Variants in ZDHHC14 observed in about 807,000 individuals in gnomAD.
ZDHHC14 encodes the protein palmitoyltransferase ZDHHC14.
Under a neutral mutation model 47.7 loss-of-function variants are expected in ZDHHC14, and 16 were observed. The ratio of observed to expected loss-of-function variants is 0.34; its 90% CI spans 0.23 to 0.51. The LOEUF (loss-of-function observed/expected upper bound fraction) is 0.51. ZDHHC14 is among the 20% of genes least tolerant of loss of function. The pLI, the probability that ZDHHC14 is intolerant of heterozygous loss-of-function variation, is 0.97. For missense variants in ZDHHC14, 515 were observed against 662.5 expected, an observed-to-expected ratio of 0.78 and a Z score of 2.44; for synonymous variants, 293 against 278.9, an observed-to-expected ratio of 1.05 and a Z score of -0.50.
intron 2 of ZDHHC14, among the ~76,000 whole-genome samples, chr6:157,589,053 T>C (rs376797699): frequency 2.6e-5 from 4 of 152,234 alleles, no homozygotes. Flanking sequence ...AGAGGTTTTA[T>C]TGGCTCATGG....
intron 1 of ZDHHC14, among the ~76,000 whole-genome samples, chr6:157,395,786 C>A (rs540132194): frequency 6.1e-4 from 91 of 148,524 alleles, no homozygotes; most frequent in African/African-American, 2.3e-3. Flanking sequence ...GAGCAAGACT[C>A]CATCTCAAAA....
chr6:157,522,987 TTTTC>T (rs1781011295), intron 1 of ZDHHC14, among the ~76,000 whole-genome samples: 3 of 35,484 alleles, frequency 8.5e-5, no homozygotes, highest in African/African-American at 5.4e-4. Flanking sequence ...TTTCTTTTTC[TTTTC>T]TTTTCTTTTC....
intron 1 of ZDHHC14, among the ~76,000 whole-genome samples, chr6:157,466,864 T>C (rs1779230950): frequency 6.6e-6 from 1 of 151,982 alleles, no homozygotes; most frequent in African/African-American, 2.4e-5. Context: ...AAAATTATTA[T>C]TTTTTTCTTG....
chr6:157,558,238 C>T (rs933548302), intron 2 of ZDHHC14, among the ~76,000 whole-genome samples: 6 of 152,218 alleles, frequency 3.9e-5, no homozygotes, highest in Non-Finnish European at 8.8e-5. Flanking sequence ...CTAAACTCCT[C>T]AACCGACATG....
intron 2 of ZDHHC14, among the ~76,000 whole-genome samples, chr6:157,549,742 G>C (rs761156420): frequency 1.3e-5 from 2 of 152,192 alleles, no homozygotes; most frequent in Non-Finnish European, 2.9e-5. Context: ...TGAAGGGTCT[G>C]ATTCTAAGGG....
intron 1 of ZDHHC14, among the ~76,000 whole-genome samples, chr6:157,498,211 C>T (rs537576462): frequency 6.7e-5 from 10 of 149,632 alleles, no homozygotes; most frequent in African/African-American, 1.5e-4. Context: ...CTTAGGTGGG[C>T]GGATCTCTTA....
At chr6:157,581,500 TA>T (rs765361478) in intron 2 of ZDHHC14, among the ~76,000 whole-genome samples, 3 of 152,186 alleles carry the variant, frequency 2.0e-5, no homozygotes, top group African/African-American at 7.2e-5. Flanking sequence ...CTCAATGATC[TA>T]ATACTGTCAG....
At chr6:157,546,218 A>G (rs1171878768) in intron 2 of ZDHHC14, among the ~76,000 whole-genome samples, 2 of 152,242 alleles carry the variant, frequency 1.3e-5, no homozygotes, top group South Asian at 2.1e-4. Flanking sequence ...GTCCTCCCGT[A>G]TACTACTTGG....
At chr6:157,661,980 G>A (rs2115003571) in intron 8 of ZDHHC14, among the ~76,000 whole-genome samples, 1 of 151,912 alleles carries the variant, frequency 6.6e-6, no homozygotes, top group South Asian at 2.1e-4. Context: ...GCACCACCAT[G>A]CCTGGCTAAT....
intron 1 of ZDHHC14, among the ~76,000 whole-genome samples, chr6:157,389,295 C>CA (rs2114733279): frequency 6.6e-6 from 1 of 152,320 alleles, no homozygotes; most frequent in South Asian, 2.1e-4. Context: ...CTCTCTTCCT[C>CA]AATCTTGCGA....
intron 2 of ZDHHC14, 121 bp from the exon 3 acceptor site, chr6:157,592,867 A>G: frequency 6.7e-7 from 1 of 1,493,020 alleles, no homozygotes; most frequent in Non-Finnish European, 8.9e-7. Flanking sequence ...AACCGTGGGC[A>G]CCGGGGGCCC....
In ZDHHC14 at chr6:157,493,271, G is replaced by A. The variant is rs1052890771; in HGVS notation, c.246-49314G>A. Among the ~76,000 whole-genome samples the A allele has an allele frequency of 3.3e-5, 5 of 152,334 alleles. No homozygotes were observed. In the South Asian group the frequency reaches 6.2e-4, roughly 19 times the overall value. On this transcript the variant is annotated intron_variant, in intron 1 of 8. Transcript: ENST00000359775. ...AGGCGGAAAGGCAAGTTGGGGACCC[G>A]TGACCTTGTGATGAAGGCCTGTCTG...
At chr6:157,464,478 A>G (rs1272632953) in intron 1 of ZDHHC14, among the ~76,000 whole-genome samples, 10 of 152,186 alleles carry the variant, frequency 6.6e-5, no homozygotes, top group Admixed American at 6.5e-4. Context: ...AGCTGTGTAC[A>G]TAGTAGGTAT....
intron 1 of ZDHHC14, among the ~76,000 whole-genome samples, chr6:157,426,739 C>T (rs1053147103): frequency 6.6e-6 from 1 of 152,112 alleles, no homozygotes; most frequent in African/African-American, 2.4e-5. Flanking sequence ...AGCTGGAAGC[C>T]GCACTAGGAG....
chr6:157,551,776 G>A (rs1052927295), intron 2 of ZDHHC14, among the ~76,000 whole-genome samples: 1 of 152,152 alleles, frequency 6.6e-6, no homozygotes, highest in African/African-American at 2.4e-5. Context: ...TGAGCGTTCT[G>A]TTTAATCACC....
At chr6:157,429,531 A>G (rs1400143891) in intron 1 of ZDHHC14, among the ~76,000 whole-genome samples, 1 of 136,910 alleles carries the variant, frequency 7.3e-6, no homozygotes, top group Non-Finnish European at 1.6e-5. Context: ...TATGTAGCAT[A>G]TATTAGAGGC....
chr6:157,459,595 A>T (rs1306770379), intron 1 of ZDHHC14, among the ~76,000 whole-genome samples: 1 of 152,118 alleles, frequency 6.6e-6, no homozygotes, highest in African/African-American at 2.4e-5. Flanking sequence ...CTTGGAGCAG[A>T]GGTAGCTAGA....
chr6:157,595,458 T>C (rs1784089213), intron 3 of ZDHHC14, among the ~76,000 whole-genome samples: 1 of 152,174 alleles, frequency 6.6e-6, no homozygotes, highest in South Asian at 2.1e-4. Context: ...CCTGAAGTGC[T>C]GGGATTACAG....
intron 1 of ZDHHC14, among the ~76,000 whole-genome samples, chr6:157,398,088 C>T (rs1304078494): frequency 6.6e-6 from 1 of 151,548 alleles, no homozygotes; most frequent in African/African-American, 2.4e-5. Context: ...CTCCCCAGCC[C>T]CCCCCGGCTC....
Sources: gnomAD v4.1 joint callset for allele counts (sites outside exome capture counted in the v4.1 genomes callset) on GRCh38, gnomAD v4.1.1 for gene constraint, MANE v1.5 for transcripts, NCBI Gene and HGNC (gene_info 2026-07-23, HGNC 2026-07-21) for gene names.